The following ADAM22 variants were observed in gnomAD, a reference collection of about 807,000 sequenced individuals.
ADAM22 encodes the protein disintegrin and metalloproteinase domain-containing protein 22.
A neutral mutation model predicts 144.6 loss-of-function variants in ADAM22; 65 were observed. The ratio of observed to expected loss-of-function variants is 0.45; its 90% CI spans 0.37 to 0.55. ADAM22 has a LOEUF of 0.55. Ranked by LOEUF, ADAM22 falls within the 20% of genes least tolerant of loss-of-function variation. ADAM22 has a pLI of 0.00. For missense variants in ADAM22, 974 were observed against 1,184.9 expected, an observed-to-expected ratio of 0.82 and a Z score of 2.61; for synonymous variants, 391 against 412.6, an observed-to-expected ratio of 0.95 and a Z score of 0.63.
chr7:88,125,338 A>T (rs1039863938), intron 7 of ADAM22, among the ~76,000 whole-genome samples: 1 of 152,050 alleles, frequency 6.6e-6, no homozygotes, highest in African/African-American at 2.4e-5. Flanking sequence ...AATGATATTT[A>T]TAAGAGAAAT....
chr7:88,142,660 A>C (rs1835069507), intron 14 of ADAM22, among the ~76,000 whole-genome samples: 1 of 152,042 alleles, frequency 6.6e-6, no homozygotes, highest in African/African-American at 2.4e-5. Context: ...AACACGATGA[A>C]ACCCCGTCTC....
At chr7:88,129,266 T>C (rs562690671) in intron 9 of ADAM22, among the ~76,000 whole-genome samples, 1 of 152,144 alleles carries the variant, frequency 6.6e-6, no homozygotes, top group South Asian at 2.1e-4. Flanking sequence ...ACTACATTCA[T>C]AGCACAGCAA....
chr7:87,988,181 C>T (rs1050513534), intron 3 of ADAM22, among the ~76,000 whole-genome samples: 2 of 152,090 alleles, frequency 1.3e-5, no homozygotes, highest in Non-Finnish European at 2.9e-5. Context: ...CTTGAACTTT[C>T]TTTGAGGAAA....
At chr7:87,953,183 G>A (rs1845709026) in intron 2 of ADAM22, among the ~76,000 whole-genome samples, 3 of 151,780 alleles carry the variant, frequency 2.0e-5, no homozygotes, top group Admixed American at 2.0e-4. Context: ...CCTTCTGCTA[G>A]CTTTTGAATG....
intron 14 of ADAM22, among the ~76,000 whole-genome samples, chr7:88,142,024 G>A (rs1370800823): frequency 1.3e-5 from 2 of 151,568 alleles, no homozygotes; most frequent in African/African-American, 4.9e-5. Context: ...CCTTTTATTA[G>A]TTTTTTTAAG....
chr7:88,119,761 T>C (rs1052683716), intron 7 of ADAM22, among the ~76,000 whole-genome samples: 1 of 152,176 alleles, frequency 6.6e-6, no homozygotes, highest in Non-Finnish European at 1.5e-5. Context: ...AGTGCTGGGA[T>C]TACTGGCATG....
At chr7:88,124,929 C>T (rs1166253479) in intron 7 of ADAM22, among the ~76,000 whole-genome samples, 1 of 151,944 alleles carries the variant, frequency 6.6e-6, no homozygotes, top group Non-Finnish European at 1.5e-5. Flanking sequence ...TCAGGTTGCT[C>T]AACCATCAAA....
intron 2 of ADAM22, among the ~76,000 whole-genome samples, chr7:87,957,201 T>C (rs747463193): frequency 1.3e-5 from 2 of 152,224 alleles, no homozygotes; most frequent in Admixed American, 6.5e-5. Flanking sequence ...TGTCTGTTAC[T>C]TTTTGTTTCT....
chr7:88,025,278 T>A (rs1439364692), intron 3 of ADAM22, among the ~76,000 whole-genome samples: 1 of 152,226 alleles, frequency 6.6e-6, no homozygotes, highest in Non-Finnish European at 1.5e-5. Context: ...TTATTAATCC[T>A]TTGTCAGATG....
intron 14 of ADAM22, among the ~76,000 whole-genome samples, chr7:88,142,623 A>G (rs558769209): frequency 4.1e-4 from 63 of 152,122 alleles, no homozygotes; most frequent in South Asian, 1.2e-3. Flanking sequence ...CGGATCACAA[A>G]GTCAGGAGAT....
At chr7:88,007,875 C>G (rs1477947553) in intron 3 of ADAM22, among the ~76,000 whole-genome samples, 1 of 152,120 alleles carries the variant, frequency 6.6e-6, no homozygotes, top group Non-Finnish European at 1.5e-5. Context: ...GAAGCAATGG[C>G]AACAAAAGCC....
intron 12 of ADAM22, among the ~76,000 whole-genome samples, chr7:88,133,957 GT>G (rs1832423179): frequency 6.6e-6 from 1 of 152,092 alleles, no homozygotes; most frequent in Non-Finnish European, 1.5e-5. Flanking sequence ...AGATGAACAA[GT>G]TCTAAAAAAA....
intron 3 of ADAM22, among the ~76,000 whole-genome samples, chr7:88,030,808 C>T (rs1193067401): frequency 6.6e-6 from 1 of 152,132 alleles, no homozygotes; most frequent in African/African-American, 2.4e-5. Flanking sequence ...GCCTGCAGAA[C>T]CATGAACTGA....
At chr7:88,028,850 A>G (rs529988317) in intron 3 of ADAM22, among the ~76,000 whole-genome samples, 2 of 152,158 alleles carry the variant, frequency 1.3e-5, no homozygotes, top group Admixed American at 6.5e-5. Flanking sequence ...TTGTATTTGC[A>G]TGGAATATCT....
intron 2 of ADAM22, among the ~76,000 whole-genome samples, chr7:87,962,838 C>G (rs1848286505): frequency 6.6e-6 from 1 of 152,080 alleles, no homozygotes; most frequent in Non-Finnish European, 1.5e-5. Flanking sequence ...GAAACTGAGG[C>G]ACAGAGAGCT....
intron 3 of ADAM22, among the ~76,000 whole-genome samples, chr7:88,014,055 T>G (rs1796031969): frequency 6.6e-6 from 1 of 152,186 alleles, no homozygotes; most frequent in Admixed American, 6.5e-5. Flanking sequence ...ATATGCTAAT[T>G]GTCTATTTTT....
At position 88,148,928 on chromosome 7, in the gene ADAM22, A is replaced by ATT. The variant is rs3217001; in HGVS notation, c.1486-41_1486-40dup. Reference sequence around the variant, plus strand: ...TGTTTTTTTTAGATGATATTGTAAGATTTTTTTTTCTCCCTACAGTTTCAC... The same window carrying ATT: ...TGTTTTTTTTAGATGATATTGTAAGATTTTTTTTTTTCTCCCTACAGTTTCAC... On this transcript the variant is annotated intron_variant, in intron 17 of 31. Coordinates refer to ENST00000413139, the MANE Select transcript of ADAM22 (RefSeq NM_001324418.2). 14 of 1,382,478 alleles carry ATT rather than the reference A, an allele frequency of 1.0e-5. No homozygotes were observed. In the East Asian group the frequency reaches 1.9e-4, roughly 19 times the overall value. The allele number at this position is 1,382,478 out of a possible 1,614,324, so 85.6% of individuals were successfully genotyped here. A position where few individuals can be genotyped will look rare whatever the true frequency, so the allele number is the denominator to read the frequency against.
At chr7:88,009,582 C>G (rs1345072894) in intron 3 of ADAM22, among the ~76,000 whole-genome samples, 5 of 147,512 alleles carry the variant, frequency 3.4e-5, no homozygotes, top group Non-Finnish European at 7.5e-5. Flanking sequence ...CAAACTTCAC[C>G]AAATATGCTA....
chr7:88,178,841 C>T (rs769107881), intron 26 of ADAM22, 94 bp from the exon 27 acceptor site: 2 of 664,582 alleles, frequency 3.0e-6, no homozygotes, highest in Admixed American at 3.4e-5. Flanking sequence ...GATCATTATC[C>T]CTACCTCTCT....
Sources: allele counts gnomAD v4.1 joint callset (sites outside exome capture counted in the v4.1 genomes callset), GRCh38; gene constraint gnomAD v4.1.1; transcripts MANE v1.5; gene names NCBI Gene and HGNC (gene_info 2026-07-23, HGNC 2026-07-21).